Variants in NME7 observed in about 807,000 individuals in gnomAD.
NME7 encodes NME/NM23 family member 7.
NME7 carries 41 observed loss-of-function variants against 49.1 expected under a neutral mutation model. That is an observed-to-expected ratio of 0.83 (90% CI 0.65 to 1.08). The LOEUF is 1.08. Among genes scored for constraint, NME7 ranks in the 50% least tolerant of loss-of-function variants. The pLI is 0.00. For missense variants in NME7, 423 were observed against 463.4 expected, an observed-to-expected ratio of 0.91 and a Z score of 0.80; for synonymous variants, 139 against 150.6, an observed-to-expected ratio of 0.92 and a Z score of 0.56.
At chr1:169,258,025 T>G (rs1649024813) in intron 7 of NME7, among the ~76,000 whole-genome samples, 1 of 133,120 alleles carries the variant, frequency 7.5e-6, no homozygotes, top group Admixed American at 7.4e-5. Flanking sequence ...ATAATTAGTT[T>G]GAGTGTTTGT....
intron 7 of NME7, among the ~76,000 whole-genome samples, chr1:169,245,629 T>A (rs998142738): frequency 5.3e-5 from 8 of 152,178 alleles, no homozygotes; most frequent in African/African-American, 1.9e-4. Context: ...TTAATATTAA[T>A]AACCATAACC....
chr1:169,351,573 A>G (rs1433618507), intron 1 of NME7, among the ~76,000 whole-genome samples: 1 of 152,000 alleles, frequency 6.6e-6, no homozygotes, highest in East Asian at 1.9e-4. Flanking sequence ...AAGAAATAAT[A>G]AGATCATGGC....
chr1:169,219,487 C>T (rs1045956023), intron 10 of NME7, among the ~76,000 whole-genome samples: 1 of 152,070 alleles, frequency 6.6e-6, no homozygotes, highest in Non-Finnish European at 1.5e-5. Context: ...GGTACTGGAA[C>T]CAAGCCCCCA....
At chr1:169,151,287 C>T (rs143148093) in intron 11 of NME7, among the ~76,000 whole-genome samples, 113 of 152,224 alleles carry the variant, frequency 7.4e-4, no homozygotes, top group Middle Eastern at 3.4e-3. Flanking sequence ...TCCTGAGTCC[C>T]GGGTGCTTCA....
intron 1 of NME7, among the ~76,000 whole-genome samples, chr1:169,353,114 G>GA (rs1397171597): frequency 5.9e-5 from 9 of 151,758 alleles, no homozygotes; most frequent in African/African-American, 1.9e-4. Context: ...GATGAAAACT[G>GA]AAAAAAATCA....
At chr1:169,363,019 C>T (rs531153208) in intron 1 of NME7, among the ~76,000 whole-genome samples, 37 of 151,816 alleles carry the variant, frequency 2.4e-4, no homozygotes, top group Non-Finnish European at 4.1e-4. Flanking sequence ...GTGGGAGGAT[C>T]ACTTGAGCCC....
At chr1:169,180,821 A>G (rs958488149) in intron 10 of NME7, among the ~76,000 whole-genome samples, 1 of 152,172 alleles carries the variant, frequency 6.6e-6, no homozygotes, top group African/African-American at 2.4e-5. Context: ...AATTTATGCT[A>G]AATTTTCAAG....
chr1:169,180,554 T>C (rs966641339), intron 10 of NME7, among the ~76,000 whole-genome samples: 8 of 152,210 alleles, frequency 5.3e-5, no homozygotes, highest in African/African-American at 1.9e-4. Flanking sequence ...CCCTTTAAAG[T>C]TGCAGTAAGC....
chr1:169,225,588 A>G (rs1006958468), intron 10 of NME7, among the ~76,000 whole-genome samples: 2 of 152,240 alleles, frequency 1.3e-5, no homozygotes, highest in African/African-American at 4.8e-5. Context: ...AATAAATTAT[A>G]GAAATGCAGT....
chr1:169,135,503 G>C (rs1476337116), intron 11 of NME7, among the ~76,000 whole-genome samples: 2 of 152,134 alleles, frequency 1.3e-5, no homozygotes, highest in Non-Finnish European at 2.9e-5. Context: ...AACTATCCAA[G>C]GAACAGACAA....
chr1:169,201,024 A>T (rs537680227), intron 10 of NME7, among the ~76,000 whole-genome samples: 225 of 152,226 alleles, frequency 1.5e-3, no homozygotes, highest in African/African-American at 5.2e-3. Context: ...TGAACTCAGG[A>T]GTTTGAGACC....
chr1:169,258,405 T>TATATATATATATATATAC (rs1422519342), intron 7 of NME7, among the ~76,000 whole-genome samples: 1 of 68,802 alleles, frequency 1.5e-5, no homozygotes, highest in African/African-American at 5.3e-5. Flanking sequence ...TATATATATA[T>TATATATATATATATATAC]ACACACACAC....
At chr1:169,276,938 G>A (rs1441101216) in intron 7 of NME7, among the ~76,000 whole-genome samples, 4 of 149,434 alleles carry the variant, frequency 2.7e-5, no homozygotes, top group Admixed American at 1.3e-4. Flanking sequence ...CCTTCATTTC[G>A]TTATGTACCC....
At chr1:169,244,528 C>T (rs555251490) in intron 7 of NME7, among the ~76,000 whole-genome samples, 3 of 148,956 alleles carry the variant, frequency 2.0e-5, no homozygotes, top group South Asian at 4.3e-4. Context: ...CCCAGCTACT[C>T]GGGAGGCTGA....
At chr1:169,315,596 T>G (rs1651592999) in intron 3 of NME7, among the ~76,000 whole-genome samples, 1 of 152,168 alleles carries the variant, frequency 6.6e-6, no homozygotes, top group Non-Finnish European at 1.5e-5. Flanking sequence ...ACATAGATCA[T>G]TAATAATTGA....
At chr1:169,165,829 T>C (rs1557969638) in intron 11 of NME7, among the ~76,000 whole-genome samples, 1 of 152,212 alleles carries the variant, frequency 6.6e-6, no homozygotes, top group Admixed American at 6.5e-5. Flanking sequence ...TATTTCATTT[T>C]ATTGATAAAA....
chr1:169,189,724 C>G (rs1180541082), intron 10 of NME7, among the ~76,000 whole-genome samples: 1 of 152,122 alleles, frequency 6.6e-6, no homozygotes, highest in Admixed American at 6.5e-5. Context: ...AGACAAATTA[C>G]TGTTTTGGCA....
chr1:169,144,417 T>A (rs1171558422), intron 11 of NME7, among the ~76,000 whole-genome samples: 2 of 151,566 alleles, frequency 1.3e-5, no homozygotes, highest in African/African-American at 4.9e-5. Flanking sequence ...CTATGTTTTG[T>A]TTTTTTTAAC....
At chr1:169,192,395 C>A (rs919435260) in intron 10 of NME7, among the ~76,000 whole-genome samples, 3 of 151,942 alleles carry the variant, frequency 2.0e-5, no homozygotes, top group African/African-American at 7.3e-5. Flanking sequence ...TCTTATTATT[C>A]CCTGAACAAT....
Sources: gnomAD v4.1 joint callset for allele counts (sites outside exome capture counted in the v4.1 genomes callset) on GRCh38, gnomAD v4.1.1 for gene constraint, MANE v1.5 for transcripts, NCBI Gene and HGNC (gene_info 2026-07-23, HGNC 2026-07-21) for gene names.